Variants in SLC15A1 observed in about 807,000 individuals in gnomAD.
The protein encoded by SLC15A1 is Caco-2 oligopeptide transporter.
Under a neutral mutation model 92.9 loss-of-function variants are expected in SLC15A1, and 83 were observed. The ratio of observed to expected loss-of-function variants is 0.89; its 90% CI spans 0.75 to 1.07. The LOEUF (loss-of-function observed/expected upper bound fraction) is 1.07, where lower values mean the gene tolerates loss of function less well. SLC15A1 is among the 50% of genes least tolerant of loss of function. The probability of loss-of-function intolerance (pLI) is 0.00; values close to 1 mark genes in which losing one functional copy is unlikely to be tolerated. For missense variants in SLC15A1, 857 were observed against 880.1 expected, an observed-to-expected ratio of 0.97 and a Z score of 0.33; for synonymous variants, 322 against 318.2, an observed-to-expected ratio of 1.01 and a Z score of -0.13.
Position 98,721,865 on chromosome 13 carries a change from C to T in SLC15A1, c.404G>A (p.Gly135Glu). Reference sequence around the variant, plus strand: ...CACACAGGGTTTGATTCCTCCAGTCCCGAGAGCTATCAGGGCCAGGCCGAT... The same window carrying T: ...CACACAGGGTTTGATTCCTCCAGTCTCGAGAGCTATCAGGGCCAGGCCGAT... ...SLIGLALIAL[G>E]TGGIKPCVSA... is the part of the protein sequence containing the mutation. Residue 135 changes from glycine to glutamate, a missense_variant, in exon 6 of 23, where the codon GGG becomes GAG. By Grantham distance (98) the Gly-to-Glu change is moderately conservative. Coordinates refer to ENST00000376503, the MANE Select transcript of SLC15A1 (RefSeq NM_005073.4). The T allele has an allele frequency of 1.2e-6, 2 of 1,614,038 alleles. No individual in the cohort carries two copies. Among genetic ancestry groups the T allele is most frequent in the Non-Finnish European group, 1.7e-6 (2 of 1,180,012 alleles).
chr13:98,725,251 C>T (rs367864239), intron 4 of SLC15A1, among the ~76,000 whole-genome samples: 40 of 152,268 alleles, frequency 2.6e-4, no homozygotes, highest in African/African-American at 9.6e-4. Context: ...AATTCCCCAG[C>T]CTCAGGTATT....
At chr13:98,700,510 G>T (rs1209168368) in intron 18 of SLC15A1, among the ~76,000 whole-genome samples, 2 of 63,608 alleles carry the variant, frequency 3.1e-5, no homozygotes, top group Admixed American at 1.5e-4. Flanking sequence ...AAAAAAAAGG[G>T]TGACATCGAC....
chr13:98,685,739 G>A (rs1296438431), intron 22 of SLC15A1, among the ~76,000 whole-genome samples: 1 of 152,144 alleles, frequency 6.6e-6, no homozygotes, highest in African/African-American at 2.4e-5. Flanking sequence ...ACACCTCCCA[G>A]CACTTTGGGG....
At chr13:98,752,443 GCGCCCCGCAACCTCCCGGCCCCCGTGGGC>G in intron 1 of SLC15A1, 123 bp downstream of exon 1, 3 of 683,630 alleles carry the variant, frequency 4.4e-6, no homozygotes, top group Non-Finnish European at 6.1e-6. Flanking sequence ...GGGATCCCGG[GCGCCCCGCAACCTCCCGGCCCCCGTGGGC>G]CTTCGGGTCG....
intron 18 of SLC15A1, among the ~76,000 whole-genome samples, chr13:98,692,983 C>G (rs1163114261): frequency 6.6e-6 from 1 of 151,994 alleles, no homozygotes; most frequent in African/African-American, 2.4e-5. Context: ...AAGCACTCAG[C>G]CCACCTTGAC....
At chr13:98,712,652 A>G in intron 9 of SLC15A1, 68 bp from the exon 10 acceptor site, 2 of 1,141,508 alleles carry the variant, frequency 1.8e-6, no homozygotes, top group African/African-American at 1.5e-5. Flanking sequence ...GCACATTTCA[A>G]TTAAACTACC....
At position 98,688,237 on chromosome 13, in the gene SLC15A1, G is replaced by A. The variant is rs1566441752; in HGVS notation, c.1683+11C>T. On this transcript the variant is annotated intron_variant, in intron 20 of 22. Coordinates refer to ENST00000376503, the MANE Select transcript of SLC15A1 (RefSeq NM_005073.4). ...AGCAGATCTTCTGATACAATGAAAC[G>A]AGTTACTAACCTTCCTTTGGACTAT... 10 of 1,554,810 alleles carry A rather than the reference G, an allele frequency of 6.4e-6. No homozygotes were observed. Among genetic ancestry groups the A allele is most frequent in the East Asian group, 2.2e-5 (1 of 44,500 alleles).
intron 18 of SLC15A1, among the ~76,000 whole-genome samples, chr13:98,697,104 G>A (rs1253952233): frequency 2.0e-5 from 3 of 152,152 alleles, no homozygotes; most frequent in Admixed American, 1.3e-4. Context: ...CACCCAGGCT[G>A]GAGTGCAGTG....
intron 3 of SLC15A1, 29 bp downstream of exon 3, chr13:98,726,338 TG>T: frequency 1.2e-6 from 2 of 1,614,082 alleles, no homozygotes; most frequent in Non-Finnish European, 1.7e-6. Flanking sequence ...CGCTCTTCCC[TG>T]AAGGGTGAGA....
At chr13:98,735,294 T>G (rs71437975) in intron 1 of SLC15A1, among the ~76,000 whole-genome samples, 7,678 of 152,290 alleles carry the variant, frequency 0.05, 228 homozygotes, top group African/African-American at 0.059. Flanking sequence ...ACAGCCTTCA[T>G]GCTAAAAACT....
intron 9 of SLC15A1, among the ~76,000 whole-genome samples, chr13:98,712,921 T>G (rs552708611): frequency 9.6e-4 from 146 of 152,346 alleles, no homozygotes; most frequent in Admixed American, 2.2e-3. Context: ...TACATACATT[T>G]GTATAACATG....
chr13:98,723,268 A>G (rs150594859), intron 5 of SLC15A1, among the ~76,000 whole-genome samples: 157 of 152,318 alleles, frequency 1.0e-3, no homozygotes, highest in Non-Finnish European at 1.7e-3. Flanking sequence ...ATAAGCCAGC[A>G]GTGTGGGGAT....
chr13:98,736,995 A>T (rs1001119037), intron 1 of SLC15A1, among the ~76,000 whole-genome samples: 2 of 152,242 alleles, frequency 1.3e-5, no homozygotes, highest in Non-Finnish European at 2.9e-5. Context: ...ATTACTGGGT[A>T]TATACCCAAA....
At position 98,706,262 on chromosome 13, in the gene SLC15A1, A is replaced by C. The variant is rs1293710583; in HGVS notation, c.1150-9T>G. 1.2e-6 allele frequency: 2 copies of C among 1,610,380 alleles called. No individual in the cohort carries two copies. Among genetic ancestry groups the C allele is most frequent in the Non-Finnish European group, 1.7e-6 (2 of 1,178,694 alleles). ...AAGACTGGAAGAGTTTTCTGAGCAA[A>C]ATAAAAGAAAATTGGCAGTGAGGTC... On this transcript the variant is annotated splice_polypyrimidine_tract_variant and intron_variant, in intron 15 of 22. Transcript: ENST00000376503.
intron 18 of SLC15A1, among the ~76,000 whole-genome samples, chr13:98,700,626 T>C (rs1159328623): frequency 1.3e-5 from 2 of 152,170 alleles, no homozygotes; most frequent in South Asian, 2.1e-4. Flanking sequence ...TTTATGTTTC[T>C]TGTATAAATT....
chr13:98,733,751 T>C (rs2139602579), intron 1 of SLC15A1, among the ~76,000 whole-genome samples: 1 of 152,344 alleles, frequency 6.6e-6, no homozygotes, highest in East Asian at 1.9e-4. Flanking sequence ...CCTAGCCATG[T>C]GGCCTTGATC....
chr13:98,740,405 G>A (rs1281505041), intron 1 of SLC15A1, among the ~76,000 whole-genome samples: 2 of 152,158 alleles, frequency 1.3e-5, no homozygotes, highest in African/African-American at 4.8e-5. Flanking sequence ...TCCTGCAGGT[G>A]AAGCCCTACT....
At chr13:98,686,083 T>C (rs2087926573) in intron 22 of SLC15A1, 107 bp downstream of exon 22, 1 of 789,924 alleles carries the variant, frequency 1.3e-6, no homozygotes, top group African/African-American at 1.7e-5. Flanking sequence ...AATCCAGCTA[T>C]TAGCCTAGAT....
At chr13:98,726,490 C>A (rs367848930) in intron 2 of SLC15A1, 41 bp from the exon 3 acceptor site, 3 of 1,569,426 alleles carry the variant, frequency 1.9e-6, no homozygotes, top group African/African-American at 1.4e-5. Context: ...AATACACCCC[C>A]CACTGGTCCA....
Sources: gnomAD v4.1 joint callset for allele counts (sites outside exome capture counted in the v4.1 genomes callset) on GRCh38, gnomAD v4.1.1 for gene constraint, MANE v1.5 for transcripts, NCBI Gene and HGNC (gene_info 2026-07-23, HGNC 2026-07-21) for gene names.